The following NXPH1 variants were observed in gnomAD, a reference collection of about 807,000 sequenced individuals.
The protein encoded by NXPH1 is neurexophilin 1.
Under a neutral mutation model 23.7 loss-of-function variants are expected in NXPH1, and 5 were observed. That is an observed-to-expected ratio of 0.21 (90% CI 0.11 to 0.44). The LOEUF is 0.44. NXPH1 is among the 20% of genes least tolerant of loss of function. The pLI is 0.99. For synonymous variants in NXPH1, 144 were observed against 122.2 expected (o/e 1.18, Z -1.18); for missense variants, 324 against 321.6 (o/e 1.01, Z -0.06).
chr7:8,582,980 G>T (rs1818909931), intron 2 of NXPH1, among the ~76,000 whole-genome samples: 1 of 152,182 alleles, frequency 6.6e-6, no homozygotes, highest in Admixed American at 6.5e-5. Flanking sequence ...TTCCTCCCAT[G>T]CCTGTTGGCA....
At chr7:8,484,681 T>G (rs536699524) in intron 2 of NXPH1, among the ~76,000 whole-genome samples, 1 of 152,186 alleles carries the variant, frequency 6.6e-6, no homozygotes, top group East Asian at 1.9e-4. Context: ...AAACTCAAGG[T>G]ATCACTTTTG....
intron 2 of NXPH1, among the ~76,000 whole-genome samples, chr7:8,702,206 C>T (rs951365193): frequency 6.6e-6 from 1 of 152,022 alleles, no homozygotes; most frequent in Non-Finnish European, 1.5e-5. Context: ...AAGATCAGGT[C>T]ATGTAGAAAT....
chr7:8,751,465 C>T lies in NXPH1; in HGVS notation c.512C>T (p.Thr171Ile), dbSNP rs778623593. 6.2e-7 allele frequency: 1 copy of T among 1,613,782 alleles called. No individual in the cohort carries two copies. Among genetic ancestry groups the T allele is most frequent in the South Asian group, 1.1e-5 (1 of 91,084 alleles). The change falls in exon 3 of 3, where the codon ACA becomes ATA. Residue 171 changes from threonine (T) to isoleucine (I), a missense_variant. Thr to Ile is a moderately conservative substitution (Grantham distance 89). Transcript: ENST00000405863. The surrounding 1 kb of genome is among the most constrained non-coding windows in gnomAD (Gnocchi z 4.5). ...GTATCTGTCAGCTTGGTACCCCCTACAAAAATCGTGGAATTTGACTTGGCA... is the reference window on the plus strand; with the variant it reads ...GTATCTGTCAGCTTGGTACCCCCTATAAAAATCGTGGAATTTGACTTGGCA... ...GNVSVSLVPP[T>I]KIVEFDLAQQ...
intron 2 of NXPH1, among the ~76,000 whole-genome samples, chr7:8,477,077 C>T (rs149855319): frequency 1.4e-3 from 210 of 152,220 alleles, no homozygotes; most frequent in African/African-American, 4.8e-3. Context: ...CAAAAATACA[C>T]CATGTCTGTG....
chr7:8,541,567 G>C (rs1036602446), intron 2 of NXPH1, among the ~76,000 whole-genome samples: 4 of 151,482 alleles, frequency 2.6e-5, no homozygotes, highest in Non-Finnish European at 5.9e-5. Context: ...AATATAAAGA[G>C]GGAAGGGCAT....
At chr7:8,631,252 C>T (rs1820122734) in intron 2 of NXPH1, among the ~76,000 whole-genome samples, 2 of 152,056 alleles carry the variant, frequency 1.3e-5, no homozygotes, top group South Asian at 4.1e-4. Context: ...GTGCATGCGT[C>T]TTTATAATAG....
Position 8,535,536 on chromosome 7 carries a change from GA to G in NXPH1, c.54+99778del, listed in dbSNP as rs370141643. Among the ~76,000 whole-genome samples the G allele has an allele frequency of 2.5e-4, 38 of 150,150 alleles. No homozygotes were observed. In the East Asian group the frequency reaches 5.1e-3, roughly 20 times the overall value. On this transcript the variant is annotated intron_variant, in intron 2 of 2. Coordinates refer to ENST00000405863, the MANE Select transcript of NXPH1 (RefSeq NM_152745.3). ...AATTGGGATATGGAATATAGCACTGGAAAAAAAAATCCAGACAAACCAAACA... is the reference window on the plus strand; with the variant it reads ...AATTGGGATATGGAATATAGCACTGGAAAAAAAATCCAGACAAACCAAACA...
At chr7:8,472,660 C>T (rs1378241416) in intron 2 of NXPH1, among the ~76,000 whole-genome samples, 1 of 152,114 alleles carries the variant, frequency 6.6e-6, no homozygotes, top group East Asian at 1.9e-4. Flanking sequence ...TCCCTAATGG[C>T]AGAGAGGAGA....
At chr7:8,457,478 G>T (rs1169333206) in intron 2 of NXPH1, among the ~76,000 whole-genome samples, 1 of 151,712 alleles carries the variant, frequency 6.6e-6, no homozygotes, top group African/African-American at 2.4e-5. Context: ...GAAAACCGAG[G>T]GTCTAGTCAC....
At chr7:8,665,924 T>C (rs1053483356) in intron 2 of NXPH1, among the ~76,000 whole-genome samples, 2 of 136,386 alleles carry the variant, frequency 1.5e-5, no homozygotes, top group African/African-American at 2.6e-5. Flanking sequence ...TTTTCTTTTT[T>C]TTTTTTTTTT....
At chr7:8,484,377 C>A (rs564509209) in intron 2 of NXPH1, among the ~76,000 whole-genome samples, 19 of 152,048 alleles carry the variant, frequency 1.2e-4, no homozygotes, top group African/African-American at 4.6e-4. Context: ...TAGGTCTACA[C>A]CATCAAGCAG....
At chr7:8,473,480 G>A (rs117688831) in intron 2 of NXPH1, among the ~76,000 whole-genome samples, 1 of 152,144 alleles carries the variant, frequency 6.6e-6, no homozygotes, top group East Asian at 1.9e-4. Flanking sequence ...ACTGGCATGC[G>A]GGTGTGAGGC....
At chr7:8,559,378 T>A (rs1818406891) in intron 2 of NXPH1, among the ~76,000 whole-genome samples, 1 of 151,782 alleles carries the variant, frequency 6.6e-6, no homozygotes, top group African/African-American at 2.4e-5. Context: ...TATTTACAAT[T>A]TCCCTTAAAT....
chr7:8,562,965 C>G (rs892797799), intron 2 of NXPH1, among the ~76,000 whole-genome samples: 1 of 151,644 alleles, frequency 6.6e-6, no homozygotes, highest in Non-Finnish European at 1.5e-5. Context: ...AAATATGGCT[C>G]TAACATCATG....
At chr7:8,613,791 T>C (rs1412655542) in intron 2 of NXPH1, among the ~76,000 whole-genome samples, 1 of 136,004 alleles carries the variant, frequency 7.4e-6, no homozygotes, top group Non-Finnish European at 1.5e-5. Flanking sequence ...ACTAATAACA[T>C]TGGTAATTTT....
intron 2 of NXPH1, among the ~76,000 whole-genome samples, chr7:8,445,788 C>T (rs1392593365): frequency 2.6e-5 from 4 of 152,172 alleles, no homozygotes; most frequent in Non-Finnish European, 5.9e-5. Context: ...TAAGTTGTTC[C>T]AACATGGGTT....
At chr7:8,545,993 G>C (rs1258078901) in intron 2 of NXPH1, among the ~76,000 whole-genome samples, 1 of 151,456 alleles carries the variant, frequency 6.6e-6, no homozygotes, top group East Asian at 1.9e-4. Context: ...TTGTACTTTT[G>C]ATTTCACCGT....
At chr7:8,519,343 A>T (rs1360870860) in intron 2 of NXPH1, among the ~76,000 whole-genome samples, 1 of 152,200 alleles carries the variant, frequency 6.6e-6, no homozygotes, top group Non-Finnish European at 1.5e-5. Flanking sequence ...TCCCTAAAAG[A>T]ACTGAGTAAT....
chr7:8,629,229 G>C (rs1820068421), intron 2 of NXPH1, among the ~76,000 whole-genome samples: 1 of 151,992 alleles, frequency 6.6e-6, no homozygotes, highest in South Asian at 2.1e-4. Context: ...ACAAATATTA[G>C]GAACATTTGT....
Sources: allele counts gnomAD v4.1 joint callset (sites outside exome capture counted in the v4.1 genomes callset), GRCh38; gene constraint gnomAD v4.1.1; non-coding constraint Gnocchi (gnomAD v3.1); transcripts MANE v1.5; gene names NCBI Gene and HGNC (gene_info 2026-07-23, HGNC 2026-07-21).